The following PLCB4 variants were observed in gnomAD, a reference collection of about 807,000 sequenced individuals.
PLCB4 encodes the protein phospholipase C beta 4.
PLCB4 carries 77 observed loss-of-function variants against 178.8 expected under a neutral mutation model. That is an observed-to-expected ratio of 0.43 (90% CI 0.36 to 0.52). The LOEUF is 0.52. Ranked by LOEUF, PLCB4 falls within the 20% of genes least tolerant of loss-of-function variation. The probability of loss-of-function intolerance (pLI) is 0.00; values close to 1 mark genes in which losing one functional copy is unlikely to be tolerated. For synonymous variants in PLCB4, 496 were observed against 490.8 expected (o/e 1.01, Z -0.14); for missense variants, 1,024 against 1,453.4 (o/e 0.70, Z 4.80).
chr20:9,312,994 C>A (rs2094854415), intron 4 of PLCB4, among the ~76,000 whole-genome samples: 1 of 152,042 alleles, frequency 6.6e-6, no homozygotes, highest in Non-Finnish European at 1.5e-5. Flanking sequence ...TAGGTCAAAC[C>A]AAAAATACAT....
chr20:9,317,249 A>C (rs939572684), intron 4 of PLCB4, among the ~76,000 whole-genome samples: 3 of 152,164 alleles, frequency 2.0e-5, no homozygotes, highest in African/African-American at 7.2e-5. Flanking sequence ...GTGTTCTTTT[A>C]CTACTGTGTT....
At chr20:9,129,406 C>A (rs1431364772) in intron 2 of PLCB4, among the ~76,000 whole-genome samples, 1 of 152,144 alleles carries the variant, frequency 6.6e-6, no homozygotes, top group Admixed American at 6.5e-5. Context: ...CCGCAGTTAC[C>A]CTTGGTGGTA....
intron 2 of PLCB4, among the ~76,000 whole-genome samples, chr20:9,170,540 C>T (rs6039402): frequency 0.2 from 30,064 of 152,090 alleles, 3,064 homozygotes; most frequent in African/African-American, 0.25. Context: ...AGAAAAAAAA[C>T]TCCTCTTTCA....
chr20:9,439,414 C>A (rs998084232), intron 30 of PLCB4, among the ~76,000 whole-genome samples: 2 of 152,098 alleles, frequency 1.3e-5, no homozygotes, highest in African/African-American at 4.8e-5. Context: ...ACAAAGTGAA[C>A]CAATATTCAA....
At chr20:9,431,992 A>T (rs778780023) in intron 28 of PLCB4, among the ~76,000 whole-genome samples, 1 of 152,218 alleles carries the variant, frequency 6.6e-6, no homozygotes, top group Non-Finnish European at 1.5e-5. Context: ...TTGCACTAAG[A>T]TATTCCTAAA....
chr20:9,222,668 A>G (rs940102098), intron 3 of PLCB4, among the ~76,000 whole-genome samples: 1 of 152,254 alleles, frequency 6.6e-6, no homozygotes, highest in Non-Finnish European at 1.5e-5. Flanking sequence ...TGTAAACATT[A>G]TGGAGGTTTT....
At chr20:9,075,741 A>G (rs1568701565) in intron 1 of PLCB4, among the ~76,000 whole-genome samples, 3 of 152,230 alleles carry the variant, frequency 2.0e-5, no homozygotes, top group Admixed American at 6.5e-5. Context: ...AGGGCCCAGG[A>G]TTACCAGTGC....
At chr20:9,317,903 G>C (rs1393940674) in intron 4 of PLCB4, among the ~76,000 whole-genome samples, 1 of 152,018 alleles carries the variant, frequency 6.6e-6, no homozygotes, top group Non-Finnish European at 1.5e-5. Context: ...GTTGGAGACC[G>C]GCCTGGCCAA....
rs187670473 is a variant in PLCB4 at position 9,380,310 on chromosome 20, G to A, written c.853+148G>A. ...ATTTTTTTTTCCTGCTCTTAAGTTC[G>A]TATAAATTTTACCTTTCATCAGAAT... On this transcript the variant is annotated intron_variant, in intron 13 of 39. Transcript: ENST00000378473. The A allele has an allele frequency of 2.4e-3, 1,237 of 520,300 alleles. 8 individuals are homozygous for A. The highest frequency in any genetic ancestry group is 3.3e-3 in the Non-Finnish European group (956 of 288,628). The allele number at this position is 520,300 out of a possible 1,614,324, so 32.2% of individuals were successfully genotyped here. A position where few individuals can be genotyped will look rare whatever the true frequency, so the allele number is the denominator to read the frequency against.
At chr20:9,273,899 A>G (rs2094429056) in intron 3 of PLCB4, among the ~76,000 whole-genome samples, 1 of 152,118 alleles carries the variant, frequency 6.6e-6, no homozygotes, top group Non-Finnish European at 1.5e-5. Context: ...TGTGTAGACA[A>G]TGAAAGAAAG....
At chr20:9,091,380 T>G (rs2090672568) in intron 1 of PLCB4, among the ~76,000 whole-genome samples, 1 of 152,090 alleles carries the variant, frequency 6.6e-6, no homozygotes. Flanking sequence ...CTCACCTGGC[T>G]TATGTTTTTG....
At chr20:9,098,027 T>C (rs2090984523) in intron 2 of PLCB4, among the ~76,000 whole-genome samples, 1 of 152,220 alleles carries the variant, frequency 6.6e-6, no homozygotes. Context: ...AGAGAGATTG[T>C]TGCGAATTTG....
intron 2 of PLCB4, among the ~76,000 whole-genome samples, chr20:9,194,570 G>A (rs2093445421): frequency 6.6e-6 from 1 of 151,620 alleles, no homozygotes; most frequent in African/African-American, 2.4e-5. Flanking sequence ...CCAGGCGCCT[G>A]TAGTCCCAGC....
At chr20:9,162,741 G>T (rs1176434176) in intron 2 of PLCB4, among the ~76,000 whole-genome samples, 1 of 151,476 alleles carries the variant, frequency 6.6e-6, no homozygotes, top group African/African-American at 2.4e-5. Flanking sequence ...TTGTAAATGT[G>T]AATAATAAAT....
chr20:9,196,359 A>G (rs1238197259), intron 2 of PLCB4, among the ~76,000 whole-genome samples: 1 of 152,150 alleles, frequency 6.6e-6, no homozygotes, highest in African/African-American at 2.4e-5. Flanking sequence ...GGGCATGTAA[A>G]TGGACAACTG....
intron 3 of PLCB4, among the ~76,000 whole-genome samples, chr20:9,254,674 G>C (rs1385281332): frequency 1.3e-5 from 2 of 151,918 alleles, no homozygotes; most frequent in East Asian, 3.9e-4. Context: ...CTCCAGTCTG[G>C]GCAACGGAGC....
At chr20:9,474,493 AGGTAAT>A in intron 38 of PLCB4, among the ~76,000 whole-genome samples, 1 of 152,270 alleles carries the variant, frequency 6.6e-6, no homozygotes, top group South Asian at 2.1e-4. Flanking sequence ...TATTATTCCT[AGGTAAT>A]TCAATTTAGA....
chr20:9,222,030 T>A (rs2093804760), intron 3 of PLCB4, among the ~76,000 whole-genome samples: 1 of 144,686 alleles, frequency 6.9e-6, no homozygotes, highest in African/African-American at 2.6e-5. Context: ...TTATTTATTT[T>A]ATTTTGTTTT....
rs188937985 is a variant in PLCB4, at chr20:9,159,697, A to C, written c.-78-57693A>C. Among the ~76,000 whole-genome samples the C allele has an allele frequency of 2.0e-4, 30 of 152,292 alleles. No homozygotes were observed. The East Asian group carries it at 5.0e-3, about 25-fold the overall frequency. ...TCCGTTAGCAGTAGCTCCTCTATAC[A>C]CAGTGAGCCCAGGAGGGCAGAGAGC... On this transcript the variant is annotated intron_variant, in intron 2 of 39. Coordinates refer to ENST00000378473, the MANE Select transcript of PLCB4 (RefSeq NM_001377142.1).
Sources: allele counts gnomAD v4.1 joint callset (sites outside exome capture counted in the v4.1 genomes callset), GRCh38; gene constraint gnomAD v4.1.1; transcripts MANE v1.5; gene names NCBI Gene and HGNC (gene_info 2026-07-23, HGNC 2026-07-21).